SRCIN1: variants seen among roughly 807,000 people sequenced by gnomAD.
SRCIN1 encodes P130Cas-associated protein.
SRCIN1 carries 50 observed loss-of-function variants against 116.2 expected under a neutral mutation model. The observed-to-expected ratio is 0.43, with a 90% CI of 0.34 to 0.54. SRCIN1 has a LOEUF of 0.54. Ranked by LOEUF, SRCIN1 falls within the 20% of genes least tolerant of loss-of-function variation. The pLI is 0.02. For missense variants in SRCIN1, 1,446 were observed against 1,672.0 expected, an observed-to-expected ratio of 0.86 and a Z score of 2.36; for synonymous variants, 736 against 750.0, an observed-to-expected ratio of 0.98 and a Z score of 0.30.
chr17:38,589,815 A>G (rs768823272), intron 1 of SRCIN1, among the ~76,000 whole-genome samples: 3 of 152,176 alleles, frequency 2.0e-5, no homozygotes, highest in Non-Finnish European at 4.4e-5. Flanking sequence ...CTAAGAACAA[A>G]CAGCCGAATC....
rs1025413666 is a variant in SRCIN1, at chr17:38,578,395, G to A, written c.324+95C>T. On this transcript the variant is annotated intron_variant, in intron 2 of 18. Transcript: ENST00000617146. ...TCTGCTCCAGATGCCTCCCAGAGTTGGAATGAGCCTGGGGACACGGAGCAC... is the reference window on the plus strand; with the variant it reads ...TCTGCTCCAGATGCCTCCCAGAGTTAGAATGAGCCTGGGGACACGGAGCAC... 54 of 1,393,766 alleles carry A rather than the reference G, an allele frequency of 3.9e-5. 1 individual carries two copies. In the East Asian group the frequency reaches 1.3e-3, roughly 33 times the overall value. The allele number at this position is 1,393,766 out of a possible 1,614,324, so 86.3% of individuals were successfully genotyped here. A position where few individuals can be genotyped will look rare whatever the true frequency, so the allele number is the denominator to read the frequency against.
At chr17:38,600,927 C>T (rs1339811185) in intron 1 of SRCIN1, 1 of 152,344 alleles carries the variant, frequency 6.6e-6, no homozygotes, top group African/African-American at 2.4e-5. Flanking sequence ...GCTTTCACCC[C>T]TCTGGGAAAT....
chr17:38,562,025 G>A lies in SRCIN1; in HGVS notation c.1138C>T (p.Leu380=). Residue 380 remains leucine (L), a synonymous_variant, in exon 7 of 19, where the codon CTG becomes TTG. Transcript: ENST00000617146. The surrounding 1 kb of genome is among the most constrained non-coding windows in gnomAD (Gnocchi z 4.2). ...ERRDVKPDED[L]ASKAGGMVLV... ...ACCATGCCGCCCGCCTTGCTCGCCA[G>A]GTCCTCGTCCGGCTTCACGTCGCGC... is the stretch of plus-strand genomic sequence containing the variant. The A allele has an allele frequency of 2.0e-6, 3 of 1,492,434 alleles. No individual in the cohort carries two copies. Among genetic ancestry groups the A allele is most frequent in the East Asian group, 2.8e-5 (1 of 35,126 alleles). 92.4% of individuals were successfully genotyped at this position (1,492,434 alleles called of 1,614,324 possible).
At chr17:38,559,469 G>C in intron 10 of SRCIN1, 116 bp downstream of exon 10, 3 of 1,094,344 alleles carry the variant, frequency 2.7e-6, no homozygotes, top group South Asian at 1.6e-5. Context: ...CGAAGGACTC[G>C]GGCGTGGAAG....
chr17:38,574,666 C>T (rs1247999100), intron 2 of SRCIN1, among the ~76,000 whole-genome samples: 1 of 152,180 alleles, frequency 6.6e-6, no homozygotes, highest in Non-Finnish European at 1.5e-5. Flanking sequence ...CCAAAGTCAA[C>T]CAGGCCTGAG....
At chr17:38,533,475 C>T (rs769101445) in intron 18 of SRCIN1, 44 bp from the exon 19 acceptor site, 27 of 1,557,084 alleles carry the variant, frequency 1.7e-5, no homozygotes, top group African/African-American at 6.9e-5. Flanking sequence ...CGGAAGGGAG[C>T]GCCTCCATGC....
Position 38,584,726 on chromosome 17 carries a change from G to A in SRCIN1, c.23-5935C>T, listed in dbSNP as rs551143806. ...ACATCTTAGTGACACCATCTCATAA[G>A]CCACCAAGCCGGTCCCCAACTGGCA... On this transcript the variant is annotated intron_variant, in intron 1 of 18. Transcript: ENST00000617146. Among the ~76,000 whole-genome samples, 7 of 152,296 alleles carry A rather than the reference G, an allele frequency of 4.6e-5. No individual in the cohort carries two copies. The East Asian group carries it at 1.3e-3, about 29-fold the overall frequency.
intron 1 of SRCIN1, among the ~76,000 whole-genome samples, chr17:38,591,534 T>C (rs1345489794): frequency 6.6e-6 from 1 of 152,232 alleles, no homozygotes; most frequent in Non-Finnish European, 1.5e-5. Context: ...TCTGCTTCTG[T>C]TACTAAAGTG....
chr17:38,593,031 C>G (rs756082176), intron 1 of SRCIN1, among the ~76,000 whole-genome samples: 1 of 152,126 alleles, frequency 6.6e-6, no homozygotes, highest in African/African-American at 2.4e-5. Context: ...TTGCTGCCCC[C>G]ACAAGCAAAA....
At chr17:38,573,977 T>G (rs142025020) in intron 2 of SRCIN1, among the ~76,000 whole-genome samples, 532 of 152,364 alleles carry the variant, frequency 3.5e-3, no homozygotes, top group Non-Finnish European at 6.0e-3. Flanking sequence ...ATCCTCCCTC[T>G]GAAGGCCTGT....
At chr17:38,575,344 G>A (rs763389332) in intron 2 of SRCIN1, among the ~76,000 whole-genome samples, 13 of 152,070 alleles carry the variant, frequency 8.5e-5, no homozygotes, top group Non-Finnish European at 1.5e-4. Context: ...TAACCTCCTG[G>A]GCTCAAGTGA....
rs536895057 is a variant in SRCIN1, at chr17:38,585,606, A to G, written c.23-6815T>C. 8.9e-4 allele frequency among the ~76,000 whole-genome samples: 135 copies of G among 152,252 alleles called. No individual in the cohort carries two copies. In the Middle Eastern group the frequency reaches 0.02, roughly 23 times the overall value. On this transcript the variant is annotated intron_variant, in intron 1 of 18. Coordinates refer to ENST00000617146, the MANE Select transcript of SRCIN1 (RefSeq NM_025248.3). This position sits in a 1 kb window ranked among gnomAD's most constrained non-coding sequence, Gnocchi z 4.2. ...CTGGCTCTGCCTTCCTTGTGTGCCCATACTCCTCAGTTTCTGCTGGCTGGC... is the reference window on the plus strand; with the variant it reads ...CTGGCTCTGCCTTCCTTGTGTGCCCGTACTCCTCAGTTTCTGCTGGCTGGC...
rs531605871 is a variant in SRCIN1 at position 38,552,866 on chromosome 17, A to G, written c.2202-11T>C. 2 of 1,611,846 alleles carry G rather than the reference A, an allele frequency of 1.2e-6. No homozygotes were observed. The highest frequency in any genetic ancestry group is 2.7e-5 in the African/African-American group (2 of 74,970). The stretch of plus-strand genomic sequence containing the variant: ...GATTTCTCCAGGTCACTGCAGCCAC[A>G]GAGAGACCCTTTCAGCCCTTTTGGC... On this transcript the variant is annotated splice_polypyrimidine_tract_variant and intron_variant, in intron 11 of 18. Transcript: ENST00000617146. This position sits in a 1 kb window ranked among gnomAD's most constrained non-coding sequence, Gnocchi z 5.3.
intron 11 of SRCIN1, among the ~76,000 whole-genome samples, chr17:38,557,520 G>C (rs1905886377): frequency 6.6e-6 from 1 of 151,598 alleles, no homozygotes; most frequent in South Asian, 2.1e-4. Flanking sequence ...AGGGAAAGCA[G>C]GGTGGGTGCT....
At chr17:38,569,840 A>C (rs1017801468) in intron 2 of SRCIN1, among the ~76,000 whole-genome samples, 5 of 152,148 alleles carry the variant, frequency 3.3e-5, no homozygotes, top group Admixed American at 1.3e-4. Context: ...ACCAAGTAAC[A>C]GGCTCCAGCG....
At chr17:38,605,231 A>G (rs1214694923) in intron 1 of SRCIN1, among the ~76,000 whole-genome samples, 2 of 147,812 alleles carry the variant, frequency 1.4e-5, no homozygotes, top group Non-Finnish European at 3.0e-5. Flanking sequence ...CCTTTGATGC[A>G]CCCCTCACTT....
At chr17:38,548,291 G>A (rs1217766358) in intron 17 of SRCIN1, among the ~76,000 whole-genome samples, 1 of 152,186 alleles carries the variant, frequency 6.6e-6, no homozygotes, top group Non-Finnish European at 1.5e-5. Flanking sequence ...GACTTTCAGA[G>A]TGCAGGAGGT....
intron 18 of SRCIN1, among the ~76,000 whole-genome samples, chr17:38,537,551 G>A (rs937476483): frequency 2.0e-5 from 3 of 152,108 alleles, no homozygotes; most frequent in Admixed American, 2.0e-4. Context: ...CAGCACTTTG[G>A]GAGGCCGAGG....
chr17:38,568,136 G>A lies in SRCIN1; in HGVS notation c.345+75C>T. 1 of 1,566,296 alleles carries A rather than the reference G, an allele frequency of 6.4e-7. No homozygotes were observed. The stretch of plus-strand genomic sequence containing the variant: ...AGATGCGCACCCCGGTGCAAAGCCT[G>A]TGCAAGGGAGAGGCAGGGGCAGGGG... On this transcript the variant is annotated intron_variant, in intron 3 of 18. Coordinates refer to ENST00000617146, the MANE Select transcript of SRCIN1 (RefSeq NM_025248.3). The surrounding 1 kb of genome is among the most constrained non-coding windows in gnomAD (Gnocchi z 4.5).
Sources: allele counts gnomAD v4.1 joint callset (sites outside exome capture counted in the v4.1 genomes callset), GRCh38; gene constraint gnomAD v4.1.1; non-coding constraint Gnocchi (gnomAD v3.1); transcripts MANE v1.5; gene names NCBI Gene and HGNC (gene_info 2026-07-23, HGNC 2026-07-21).